Variants in RPAP3 observed in about 807,000 individuals in gnomAD.
The protein encoded by RPAP3 is RNA polymerase II-associated protein 3.
A neutral mutation model predicts 88.8 loss-of-function variants in RPAP3; 58 were observed. The ratio of observed to expected loss-of-function variants is 0.65; its 90% CI spans 0.53 to 0.81. The LOEUF is 0.81. Ranked by LOEUF, RPAP3 falls within the 40% of genes least tolerant of loss-of-function variation. The pLI, the probability that RPAP3 is intolerant of heterozygous loss-of-function variation, is 0.00. For synonymous variants in RPAP3, 255 were observed against 259.9 expected (o/e 0.98, Z 0.18); for missense variants, 751 against 764.3 (o/e 0.98, Z 0.20).
chr12:47,685,101 G>A (rs1028230002), intron 9 of RPAP3, among the ~76,000 whole-genome samples: 10 of 152,110 alleles, frequency 6.6e-5, no homozygotes, highest in South Asian at 2.1e-4. Context: ...TATTTTGGCC[G>A]GGCGCGGTGG....
chr12:47,688,989 GT>G, intron 7 of RPAP3, 135 bp downstream of exon 7: 1 of 541,422 alleles, frequency 1.8e-6, no homozygotes, highest in Non-Finnish European at 3.2e-6. Context: ...AATTCATTTA[GT>G]AAAACTCTAT....
At chr12:47,666,513 G>A (rs1450611712) in intron 16 of RPAP3, among the ~76,000 whole-genome samples, 1 of 152,160 alleles carries the variant, frequency 6.6e-6, no homozygotes, top group Non-Finnish European at 1.5e-5. Flanking sequence ...TCTCAGAATG[G>A]ATCAGACCTT....
intron 8 of RPAP3, 30 bp from the exon 9 acceptor site, chr12:47,686,937 A>T (rs80103499): frequency 8.9e-5 from 110 of 1,231,230 alleles, no homozygotes; most frequent in Non-Finnish European, 1.1e-4. Flanking sequence ...TATGGAGAAT[A>T]AAAAAAAAAT....
intron 8 of RPAP3, 99 bp from the exon 9 acceptor site, chr12:47,687,006 G>A: frequency 1.5e-6 from 1 of 665,544 alleles, no homozygotes; most frequent in Non-Finnish European, 2.3e-6. Flanking sequence ...TTCACCAACA[G>A]TATTTCAAGA....
chr12:47,697,690 GTCTT>G lies in RPAP3; in HGVS notation c.320_323del (p.Lys107ThrfsTer21). The stretch of plus-strand genomic sequence containing the variant: ...GAGACAGAGACTCATGGGTACTATC[GTCTT>G]TGTCAAGCTCATCAAGGATACGGTC... On this transcript the variant is annotated frameshift_variant, in exon 4 of 17. Coordinates refer to ENST00000005386, the MANE Select transcript of RPAP3 (RefSeq NM_024604.3). LOFTEE classifies it high-confidence loss of function. 5 of 1,606,738 alleles carry G rather than the reference GTCTT, an allele frequency of 3.1e-6. No homozygotes were observed. The highest frequency in any genetic ancestry group is 3.4e-6 in the Non-Finnish European group (4 of 1,177,018).
At chr12:47,702,502 C>G (rs1483075215) in intron 2 of RPAP3, among the ~76,000 whole-genome samples, 186 bp downstream of exon 2, 1 of 151,894 alleles carries the variant, frequency 6.6e-6, no homozygotes, top group Non-Finnish European at 1.5e-5. Flanking sequence ...TGCAGTGAGC[C>G]GAGATCGCGC....
chr12:47,696,752 GCTTA>G (rs1270922017), intron 4 of RPAP3, among the ~76,000 whole-genome samples: 2 of 151,938 alleles, frequency 1.3e-5, no homozygotes, highest in Non-Finnish European at 2.9e-5. Context: ...CTTTTCTCTA[GCTTA>G]CTTTTTTGTA....
chr12:47,681,930 T>A, intron 9 of RPAP3, 113 bp from the exon 10 acceptor site: 2 of 998,010 alleles, frequency 2.0e-6, no homozygotes, highest in Non-Finnish European at 2.8e-6. Context: ...CACTAACTTC[T>A]AAATCTGTGT....
rs761807080 is a variant in RPAP3, at chr12:47,667,841, G to A, written c.1724C>T (p.Pro575Leu). 1.3e-6 allele frequency: 2 copies of A among 1,589,596 alleles called. No individual in the cohort carries two copies. The highest frequency in any genetic ancestry group is 1.7e-6 in the Non-Finnish European group (2 of 1,164,138). ...CTGAAACAACTTAGGATACAAAGAT[G>A]GTTCAATTTGCTTGAAAAAAAAATA... The part of the protein sequence containing the change: ...MLYQYLKQIE[P>L]SLYPKLFQKN... The change falls in exon 15 of 17, where the codon CCA becomes CTA. Residue 575 changes from proline (P) to leucine (L), a missense_variant. Physicochemically the swap from Pro to Leu is moderately conservative, Grantham distance 98. Transcript: ENST00000005386.
chr12:47,685,369 A>T (rs1364134081), intron 9 of RPAP3, among the ~76,000 whole-genome samples: 4 of 128,998 alleles, frequency 3.1e-5, no homozygotes, highest in Non-Finnish European at 6.6e-5. Context: ...ACAGAGGGGG[A>T]CTCTGTCTCA....
intron 10 of RPAP3, 73 bp downstream of exon 10, chr12:47,681,623 C>G: frequency 6.8e-7 from 1 of 1,471,024 alleles, no homozygotes; most frequent in Non-Finnish European, 9.3e-7. Flanking sequence ...CATGGGTAAG[C>G]TACATGAATC....
Position 47,679,719 on chromosome 12 carries a change from G to A in RPAP3, c.1170C>T (p.Leu390=). 1 of 1,604,682 alleles carries A rather than the reference G, an allele frequency of 6.2e-7. No homozygotes were observed. Among genetic ancestry groups the A allele is most frequent in the African/African-American group, 1.3e-5 (1 of 74,820 alleles). Residue 390 remains leucine (L), a synonymous_variant, in exon 11 of 17, where the codon CTC becomes CTT. Coordinates refer to ENST00000005386, the MANE Select transcript of RPAP3 (RefSeq NM_024604.3). ...EPGNKQAVTE[L]SKIKKELIEK... Reference sequence around the variant, plus strand: ...AATACATTACCTTTTTAATTTTGGAGAGTTCAGTTACTGCTTGCTTATTTC... The same window carrying A: ...AATACATTACCTTTTTAATTTTGGAAAGTTCAGTTACTGCTTGCTTATTTC...
At chr12:47,669,936 A>G (rs1406817859) in intron 13 of RPAP3, among the ~76,000 whole-genome samples, 171 bp downstream of exon 13, 1 of 152,216 alleles carries the variant, frequency 6.6e-6, no homozygotes, top group African/African-American at 2.4e-5. Flanking sequence ...TCATTCTTTA[A>G]GCAAAATCAC....
Position 47,701,581 on chromosome 12 carries a change from C to A in RPAP3, c.177G>T (p.Gly59=). ...TGCCTTTCTTCTTTTTCCTAAAATT[C>A]CCATTTCGAATAGGAGGTAAATTCT... The part of the protein sequence containing the change: ...PEENLPPIRN[G]NFRKKKKGKA... The change falls in exon 3 of 17, where the codon GGG becomes GGT. Residue 59 remains glycine, a synonymous_variant. Transcript: ENST00000005386. The A allele has an allele frequency of 6.3e-7, 1 of 1,590,684 alleles. No individual in the cohort carries two copies. The highest frequency in any genetic ancestry group is 8.5e-7 in the Non-Finnish European group (1 of 1,171,026).
chr12:47,697,833 A>C (rs946773368), intron 3 of RPAP3, 114 bp from the exon 4 acceptor site: 5 of 956,862 alleles, frequency 5.2e-6, no homozygotes, highest in Non-Finnish European at 6.1e-6. Context: ...CAATCTAAGG[A>C]CCTACAGCCT....
chr12:47,683,953 A>T (rs1939276000), intron 9 of RPAP3, among the ~76,000 whole-genome samples: 1 of 151,752 alleles, frequency 6.6e-6, no homozygotes, highest in South Asian at 2.1e-4. Context: ...CCAACTCTCA[A>T]CCCTGTTTCC....
chr12:47,704,771 G>T (rs1592491257), intron 1 of RPAP3, among the ~76,000 whole-genome samples: 1 of 152,136 alleles, frequency 6.6e-6, no homozygotes, highest in South Asian at 2.1e-4. Context: ...GGAGGCAGAG[G>T]TTGGGGGGCA....
chr12:47,704,009 T>C (rs1555183902), intron 1 of RPAP3, among the ~76,000 whole-genome samples: 3 of 152,094 alleles, frequency 2.0e-5, no homozygotes. Flanking sequence ...GATTATTTGT[T>C]TGGGATATGC....
chr12:47,699,114 C>G (rs1396448704), intron 3 of RPAP3, among the ~76,000 whole-genome samples: 1 of 152,152 alleles, frequency 6.6e-6, no homozygotes, highest in Non-Finnish European at 1.5e-5. Flanking sequence ...CTGCTCAGAT[C>G]TGAACTAGAA....
Sources: gnomAD v4.1 joint callset for allele counts (sites outside exome capture counted in the v4.1 genomes callset) on GRCh38, gnomAD v4.1.1 for gene constraint, MANE v1.5 for transcripts, NCBI Gene and HGNC (gene_info 2026-07-23, HGNC 2026-07-21) for gene names.